The following RAD54B variants were observed in gnomAD, a reference collection of about 807,000 sequenced individuals.
RAD54B encodes DNA repair and recombination protein RAD54B.
A neutral mutation model predicts 95.8 loss-of-function variants in RAD54B; 78 were observed. The observed-to-expected ratio is 0.81, with a 90% CI of 0.68 to 0.98. The LOEUF is 0.98. RAD54B is among the 50% of genes least tolerant of loss of function. The pLI is 0.00. For synonymous variants in RAD54B, 328 were observed against 354.9 expected, an observed-to-expected ratio of 0.92 and a Z score of 0.85; for missense variants, 957 against 1,056.6, an observed-to-expected ratio of 0.91 and a Z score of 1.31.
intron 3 of RAD54B, among the ~76,000 whole-genome samples, chr8:94,447,665 G>A (rs1322232240): frequency 6.6e-6 from 1 of 152,166 alleles, no homozygotes; most frequent in African/African-American, 2.4e-5. Context: ...AAAAACCCCT[G>A]GTCACAGGAA....
At chr8:94,464,761 G>A (rs954817608) in intron 2 of RAD54B, among the ~76,000 whole-genome samples, 6 of 152,110 alleles carry the variant, frequency 3.9e-5, no homozygotes, top group Non-Finnish European at 7.3e-5. Context: ...AAAGAAAAGA[G>A]GTTTATTTTG....
chr8:94,411,982 CTCCTT>C (rs1166928205), intron 3 of RAD54B, among the ~76,000 whole-genome samples: 1 of 152,014 alleles, frequency 6.6e-6, no homozygotes, highest in East Asian at 1.9e-4. Context: ...GAACTTATTC[CTCCTT>C]AACTGAAATT....
Position 94,400,261 on chromosome 8 carries a change from T to A in RAD54B, c.1147A>T (p.Ile383Phe), listed in dbSNP as rs1391535077. 1.9e-6 allele frequency: 3 copies of A among 1,613,482 alleles called. No individual in the cohort carries two copies. The highest frequency in any genetic ancestry group is 1.3e-5 in the African/African-American group (1 of 75,040). ...ACCTGATCAACAGTAAATATCTTGA[T>A]CCTTTCACTTCCTAGCCATTTTTGA... ...EFQKWLGSER[I>F]KIFTVDQDHK... The change falls in exon 7 of 15, where the codon ATC becomes TTC. Residue 383 changes from isoleucine (I) to phenylalanine (F), a missense_variant. By Grantham distance (21) the Ile-to-Phe change is conservative. Coordinates refer to ENST00000336148, the MANE Select transcript of RAD54B (RefSeq NM_012415.3).
chr8:94,456,708 T>G (rs1467773252), intron 3 of RAD54B, among the ~76,000 whole-genome samples: 1 of 152,178 alleles, frequency 6.6e-6, no homozygotes, highest in East Asian at 1.9e-4. Context: ...CATTTCAAGG[T>G]GGATTAGATC....
At chr8:94,467,271 G>T in intron 2 of RAD54B, 134 bp downstream of exon 2, 1 of 786,142 alleles carries the variant, frequency 1.3e-6, no homozygotes, top group South Asian at 2.6e-5. Flanking sequence ...TCATTTCCAA[G>T]GTTTTTAGAA....
intron 2 of RAD54B, among the ~76,000 whole-genome samples, chr8:94,462,308 A>C (rs1403579078): frequency 6.6e-6 from 1 of 152,184 alleles, no homozygotes; most frequent in Non-Finnish European, 1.5e-5. Flanking sequence ...ACTTGAATAT[A>C]TTCAAATATC....
intron 12 of RAD54B, among the ~76,000 whole-genome samples, 187 bp from the exon 13 acceptor site, chr8:94,378,821 G>A (rs182108351): frequency 6.6e-6 from 1 of 152,352 alleles, no homozygotes; most frequent in Non-Finnish European, 1.5e-5. Context: ...AGAAAGGGAT[G>A]AGTGAACACT....
chr8:94,452,850 T>C (rs1470748578), intron 3 of RAD54B, among the ~76,000 whole-genome samples: 1 of 152,158 alleles, frequency 6.6e-6, no homozygotes, highest in Non-Finnish European at 1.5e-5. Context: ...ATCAAAAAGT[T>C]TAAATTGAAA....
intron 3 of RAD54B, among the ~76,000 whole-genome samples, chr8:94,448,492 A>G (rs1271085153): frequency 1.3e-5 from 2 of 152,182 alleles, no homozygotes; most frequent in African/African-American, 2.4e-5. Context: ...TGAAATCACC[A>G]TCTCAAAAAT....
chr8:94,434,537 T>C, intron 3 of RAD54B, among the ~76,000 whole-genome samples: 1 of 151,868 alleles, frequency 6.6e-6, no homozygotes, highest in Non-Finnish European at 1.5e-5. Flanking sequence ...TTAAGTATGT[T>C]AACGCAAACA....
intron 1 of RAD54B, among the ~76,000 whole-genome samples, chr8:94,472,945 A>G (rs1231186843): frequency 6.7e-6 from 1 of 149,784 alleles, no homozygotes; most frequent in East Asian, 2.2e-4. Context: ...GCAGTGGTTA[A>G]GAAAACAGAC....
At position 94,383,284 on chromosome 8, in the gene RAD54B, C is replaced by CAAAAAAAAAAA. The variant is rs34552024; in HGVS notation, c.1986-2889_1986-2879dup. ...TGGGCAACAGAGCAAGACTCCATCTCAAAAAAAAAAAAAAAAAAAGCCCCA... is the reference window on the plus strand; with the variant it reads ...TGGGCAACAGAGCAAGACTCCATCTCAAAAAAAAAAAAAAAAAAAAAAAAAAAAAAGCCCCA... On this transcript the variant is annotated intron_variant, in intron 11 of 14. Transcript: ENST00000336148. 2.4e-5 allele frequency among the ~76,000 whole-genome samples: 2 copies of CAAAAAAAAAAA among 83,186 alleles called. 1 individual carries two copies. The highest frequency in any genetic ancestry group is 4.4e-5 in the Non-Finnish European group (2 of 45,528). The allele number at this position is 83,186 out of a possible 152,430, so 54.6% of individuals were successfully genotyped here.
At chr8:94,461,682 A>G (rs373154535) in intron 2 of RAD54B, among the ~76,000 whole-genome samples, 1 of 152,140 alleles carries the variant, frequency 6.6e-6, no homozygotes, top group East Asian at 1.9e-4. Flanking sequence ...ACCTTTACCC[A>G]TATTAACCAT....
intron 8 of RAD54B, among the ~76,000 whole-genome samples, chr8:94,395,866 T>C (rs970316230): frequency 3.3e-5 from 5 of 152,164 alleles, no homozygotes; most frequent in African/African-American, 4.8e-5. Context: ...ACCAGAATCC[T>C]TGATGACAAC....
chr8:94,464,670 G>A (rs1363293200), intron 2 of RAD54B, among the ~76,000 whole-genome samples: 3 of 152,196 alleles, frequency 2.0e-5, no homozygotes, highest in Non-Finnish European at 4.4e-5. Flanking sequence ...CTGAGTTGTA[G>A]TAAGTAGACT....
chr8:94,455,742 T>C (rs1812764193), intron 3 of RAD54B, among the ~76,000 whole-genome samples: 1 of 152,188 alleles, frequency 6.6e-6, no homozygotes, highest in Non-Finnish European at 1.5e-5. Flanking sequence ...TCTTTGCTTC[T>C]TTCTAGCCCC....
Position 94,399,616 on chromosome 8 carries a change from G to T in RAD54B, c.1176C>A (p.His392Gln). ...TAGACTTGATGAATTCTTCAACTTT[G>T]TGGTCCTGAGGAAAAAAGATAGTAT... is the stretch of plus-strand genomic sequence containing the variant. ...RIKIFTVDQDHKVEEFIKSIF... is the reference protein window; with the variant it reads ...RIKIFTVDQDQKVEEFIKSIF... The change falls in exon 8 of 15, where the codon CAC (histidine) becomes CAA (glutamine). Residue 392 changes from histidine to glutamine, a missense_variant. Physicochemically the swap from His to Gln is conservative, Grantham distance 24. Transcript: ENST00000336148. The T allele has an allele frequency of 6.2e-7, 1 of 1,604,070 alleles. No individual in the cohort carries two copies. The highest frequency in any genetic ancestry group is 2.2e-5 in the East Asian group (1 of 44,730).
chr8:94,445,172 T>C (rs548848509), intron 3 of RAD54B, among the ~76,000 whole-genome samples: 6 of 152,256 alleles, frequency 3.9e-5, no homozygotes, highest in Admixed American at 6.5e-5. Flanking sequence ...GATGACGCCA[T>C]CTCAGTATGT....
chr8:94,386,545 TCA>T (rs140204326), intron 11 of RAD54B, among the ~76,000 whole-genome samples: 1 of 151,620 alleles, frequency 6.6e-6, no homozygotes, highest in Non-Finnish European at 1.5e-5. Context: ...TATATAGTCA[TCA>T]CACACACACA....
Sources: allele counts gnomAD v4.1 joint callset (sites outside exome capture counted in the v4.1 genomes callset), GRCh38; gene constraint gnomAD v4.1.1; transcripts MANE v1.5; gene names NCBI Gene and HGNC (gene_info 2026-07-23, HGNC 2026-07-21).